Variants in RBPMS2 observed in about 807,000 individuals in gnomAD.
RBPMS2 encodes RNA-binding protein with multiple splicing 2.
RBPMS2 carries 14 observed loss-of-function variants against 25.7 expected under a neutral mutation model. The ratio of observed to expected loss-of-function variants is 0.55; its 90% confidence interval spans 0.36 to 0.85. The LOEUF is 0.85. RBPMS2 is among the 40% of genes least tolerant of loss of function. The probability of loss-of-function intolerance (pLI) is 0.01; values close to 1 mark genes in which losing one functional copy is unlikely to be tolerated. For synonymous variants in RBPMS2, 127 were observed against 115.6 expected, an observed-to-expected ratio of 1.10 and a Z score of -0.63; for missense variants, 252 against 283.4, an observed-to-expected ratio of 0.89 and a Z score of 0.80.
chr15:64,771,167 T>TA (rs1247031867), intron 1 of RBPMS2, among the ~76,000 whole-genome samples: 3 of 152,232 alleles, frequency 2.0e-5, no homozygotes, highest in Non-Finnish European at 4.4e-5. Context: ...AGTTAAAAAT[T>TA]ACTTTAACAA....
chr15:64,745,424 G>A (rs760889509), intron 6 of RBPMS2, among the ~76,000 whole-genome samples: 1 of 152,140 alleles, frequency 6.6e-6, no homozygotes, highest in Non-Finnish European at 1.5e-5. Context: ...TGAAGTAGAT[G>A]CTATTATCAT....
intron 1 of RBPMS2, among the ~76,000 whole-genome samples, chr15:64,772,663 C>G (rs1410870891): frequency 6.6e-6 from 1 of 152,162 alleles, no homozygotes; most frequent in Non-Finnish European, 1.5e-5. Flanking sequence ...CTTGGAATGC[C>G]TTTTCCACCC....
intron 4 of RBPMS2, 110 bp downstream of exon 4, chr15:64,749,321 C>G: frequency 7.6e-7 from 1 of 1,309,928 alleles, no homozygotes; most frequent in African/African-American, 1.4e-5. Context: ...TTGGCACAGA[C>G]AGTGTCGCCA....
chr15:64,747,866 C>G (rs72744730), intron 6 of RBPMS2, among the ~76,000 whole-genome samples: 7,337 of 152,310 alleles, frequency 0.048, 225 homozygotes, highest in South Asian at 0.089. Context: ...CAGCGTCCAG[C>G]CTTCATGGAA....
At chr15:64,775,167 G>T in intron 1 of RBPMS2, 66 bp downstream of exon 1, 1 of 885,446 alleles carries the variant, frequency 1.1e-6, no homozygotes, top group Non-Finnish European at 1.4e-6. Context: ...GGCAGGCCCC[G>T]CTCGCCCTCT....
intron 1 of RBPMS2, among the ~76,000 whole-genome samples, chr15:64,764,920 C>CAAA (rs34364733): frequency 2.9e-5 from 3 of 103,392 alleles, no homozygotes; most frequent in South Asian, 3.3e-4. Flanking sequence ...GACTCCGTCT[C>CAAA]AAAAAAAAAA....
chr15:64,757,760 A>T (rs955479165), intron 1 of RBPMS2, among the ~76,000 whole-genome samples: 2 of 152,124 alleles, frequency 1.3e-5, no homozygotes, highest in African/African-American at 4.8e-5. Flanking sequence ...CAGGGGAAAC[A>T]TTCAGGAACA....
chr15:64,748,454 T>A lies in RBPMS2; in HGVS notation c.532A>T (p.Thr178Ser). The A allele has an allele frequency of 1.2e-6, 2 of 1,613,926 alleles. No individual in the cohort carries two copies. The highest frequency in any genetic ancestry group is 1.7e-6 in the Non-Finnish European group (2 of 1,179,954). The change falls in exon 6 of 8, where the codon ACT (threonine) becomes TCT (serine). Residue 178 changes from threonine to serine, a missense_variant. Thr to Ser is a moderately conservative substitution (Grantham distance 58, BLOSUM62 1). Coordinates refer to ENST00000300069, the MANE Select transcript of RBPMS2 (RefSeq NM_194272.3). ...AISHAAFTYP[T>S]ATAAAAALHA... ...AGGGCGGCGGCAGCGGCAGTGGCAGTTGGGTAGGTGAACGCAGCATGGGAG... is the reference window on the plus strand; with the variant it reads ...AGGGCGGCGGCAGCGGCAGTGGCAGATGGGTAGGTGAACGCAGCATGGGAG...
chr15:64,762,540 C>CT (rs773493772), intron 1 of RBPMS2: 21 of 534,070 alleles, frequency 3.9e-5, no homozygotes, highest in Non-Finnish European at 6.9e-5. Context: ...AGAGACCCCA[C>CT]TGAGAACCAG....
chr15:64,768,145 G>A (rs982326472), intron 1 of RBPMS2, among the ~76,000 whole-genome samples: 4 of 152,262 alleles, frequency 2.6e-5, no homozygotes, highest in African/African-American at 7.2e-5. Context: ...GCAATGGGTA[G>A]TGGAGGAGTG....
intron 1 of RBPMS2, chr15:64,762,335 C>A: frequency 3.9e-6 from 2 of 508,608 alleles, no homozygotes; most frequent in South Asian, 2.9e-5. Flanking sequence ...CCTTGTGCCC[C>A]ACTAGCTATG....
chr15:64,774,761 G>C (rs935317431), intron 1 of RBPMS2, among the ~76,000 whole-genome samples: 1 of 79,732 alleles, frequency 1.3e-5, no homozygotes, highest in Non-Finnish European at 2.9e-5. Context: ...CCAAGGTCAC[G>C]GGGAGGGGGT....
intron 3 of RBPMS2, 92 bp from the exon 4 acceptor site, chr15:64,749,585 G>T: frequency 8.5e-7 from 1 of 1,172,860 alleles, no homozygotes; most frequent in Non-Finnish European, 1.2e-6. Flanking sequence ...TCATCTATGT[G>T]GAAACAGTAT....
At chr15:64,744,485 G>C (rs1290177748) in intron 6 of RBPMS2, among the ~76,000 whole-genome samples, 1 of 150,748 alleles carries the variant, frequency 6.6e-6, no homozygotes, top group African/African-American at 2.4e-5. Flanking sequence ...TTGAACCTGG[G>C]AGGCGGAGGT....
intron 1 of RBPMS2, among the ~76,000 whole-genome samples, chr15:64,753,982 G>C (rs2083707949): frequency 6.6e-6 from 1 of 152,128 alleles, no homozygotes; most frequent in Non-Finnish European, 1.5e-5. Flanking sequence ...AGGTCACATG[G>C]CTTGTTCTTT....
intron 1 of RBPMS2, among the ~76,000 whole-genome samples, chr15:64,760,005 G>A (rs1349141590): frequency 2.0e-5 from 3 of 152,210 alleles, no homozygotes; most frequent in South Asian, 4.1e-4. Flanking sequence ...TCAGGTAGAC[G>A]TCTCTCTTGG....
intron 1 of RBPMS2, among the ~76,000 whole-genome samples, chr15:64,768,972 G>C (rs918456635): frequency 1.3e-5 from 2 of 151,086 alleles, no homozygotes; most frequent in African/African-American, 4.9e-5. Flanking sequence ...ATGGTGGCGG[G>C]CACCTGTAGT....
intron 6 of RBPMS2, among the ~76,000 whole-genome samples, chr15:64,747,168 C>A (rs559151275): frequency 6.6e-6 from 1 of 152,142 alleles, no homozygotes; most frequent in Non-Finnish European, 1.5e-5. Flanking sequence ...CTCAGTACAA[C>A]TGAACGTTGC....
rs552476859 is a variant in RBPMS2, at chr15:64,757,816, C to CA, written c.88-6179_88-6178insT. 6.6e-5 allele frequency among the ~76,000 whole-genome samples: 10 copies of CA among 151,676 alleles called. No homozygotes were observed. The East Asian group carries it at 7.7e-4, about 12-fold the overall frequency. On this transcript the variant is annotated intron_variant, in intron 1 of 7. Transcript: ENST00000300069. ...GCAATATAGCAAGGCCCTATCCCCC[C>CA]CCACAAAAAATCAGCCAGGCGTGGT...
Sources: gnomAD v4.1 joint callset for allele counts (sites outside exome capture counted in the v4.1 genomes callset) on GRCh38, gnomAD v4.1.1 for gene constraint, MANE v1.5 for transcripts, NCBI Gene and HGNC (gene_info 2026-07-23, HGNC 2026-07-21) for gene names.